The following RBM4B variants were observed in gnomAD, a reference collection of about 807,000 sequenced individuals.
RBM4B encodes RNA-binding protein 4B.
A neutral mutation model predicts 28.5 loss-of-function variants in RBM4B; 13 were observed. The observed-to-expected ratio is 0.46, with a 90% CI of 0.30 to 0.72. The LOEUF (loss-of-function observed/expected upper bound fraction) is 0.72. RBM4B is among the 30% of genes least tolerant of loss of function. RBM4B has a pLI of 0.09. For synonymous variants in RBM4B, 167 were observed against 179.1 expected (o/e 0.93, Z 0.54); for missense variants, 387 against 477.6 (o/e 0.81, Z 1.77).
chr11:66,665,318 A>G lies in RBM4B; in HGVS notation c.*270T>C. ...ATAAGAGGGGTTCCACTGCACAGGAAAAAGGGGATGCCAGCATAATCCTTA... is the reference window on the plus strand; with the variant it reads ...ATAAGAGGGGTTCCACTGCACAGGAGAAAGGGGATGCCAGCATAATCCTTA... On this transcript the variant is annotated 3_prime_UTR_variant, in exon 4 of 4. Transcript: ENST00000310046. 1 of 525,342 alleles carries G rather than the reference A, an allele frequency of 1.9e-6. No homozygotes were observed. 32.5% of individuals were successfully genotyped at this position (525,342 alleles called of 1,614,324 possible).
Position 66,671,864 on chromosome 11 carries a change from C to T in RBM4B, c.413-2573G>A, listed in dbSNP as rs1175253436. Among the ~76,000 whole-genome samples, 7 of 152,076 alleles carry T rather than the reference C, an allele frequency of 4.6e-5. No individual in the cohort carries two copies. The East Asian group carries it at 1.4e-3, about 29-fold the overall frequency. On this transcript the variant is annotated intron_variant, in intron 2 of 3. Transcript: ENST00000310046. ...CAAGCAATTCCCTGCCTCAGCCTCC[C>T]GAGTAGCTGAGATTACAGGCACCTG... is the stretch of plus-strand genomic sequence containing the variant.
At position 66,668,949 on chromosome 11, in the gene RBM4B, G is replaced by A; in HGVS notation, c.755C>T (p.Pro252Leu). The change falls in exon 3 of 4, where the codon CCT (proline) becomes CTT (leucine). Residue 252 changes from proline to leucine, a missense_variant. By Grantham distance (98) the Pro-to-Leu change is moderately conservative. This residue lies in a region of RBM4B where 226 missense variants were observed against 220.6 expected (regional missense o/e 1.02). Coordinates refer to ENST00000310046, the MANE Select transcript of RBM4B (RefSeq NM_031492.4). ...GGTCACAGTTGTGCTTTGGACTTGA[G>A]GCAGATGGGACATGGTCTGCTCTGC... ...NYAEQTMSHL[P>L]QVQSTTVTSH... 1 of 1,614,180 alleles carries A rather than the reference G, an allele frequency of 6.2e-7. No homozygotes were observed. Among genetic ancestry groups the A allele is most frequent in the Middle Eastern group, 1.6e-4 (1 of 6,062 alleles).
At chr11:66,674,859 C>T (rs1212014713) in intron 2 of RBM4B, among the ~76,000 whole-genome samples, 2 of 152,050 alleles carry the variant, frequency 1.3e-5, no homozygotes, top group African/African-American at 2.4e-5. Context: ...TGTGAGGCAC[C>T]GCACCCTGCC....
At chr11:66,671,721 G>T (rs118025370) in intron 2 of RBM4B, among the ~76,000 whole-genome samples, 1,947 of 152,176 alleles carry the variant, frequency 0.013, 25 homozygotes, top group Non-Finnish European at 0.018. Context: ...TGAAAAGGAT[G>T]CAGGTATCAA....
intron 3 of RBM4B, chr11:66,667,407 T>C (rs777659771): frequency 6.6e-6 from 1 of 152,200 alleles, no homozygotes; most frequent in African/African-American, 2.4e-5. Context: ...ACTCCTTAAA[T>C]GTTCCTCTCT....
In RBM4B at chr11:66,676,462, C is replaced by T. The variant is rs1191224565; in HGVS notation, c.412+206G>A. The T allele has an allele frequency of 2.5e-5, 16 of 634,864 alleles. No individual in the cohort carries two copies. In the Admixed American group the frequency reaches 4.5e-4, roughly 18 times the overall value. The allele number at this position is 634,864 out of a possible 1,614,324, so 39.3% of individuals were successfully genotyped here. On this transcript the variant is annotated intron_variant, in intron 2 of 3. Coordinates refer to ENST00000310046, the MANE Select transcript of RBM4B (RefSeq NM_031492.4). ...CCCACAGTTTGTGATTCTATGCAGTCGGTGAGCAACATCTTAGCAAACCTG... is the reference window on the plus strand; with the variant it reads ...CCCACAGTTTGTGATTCTATGCAGTTGGTGAGCAACATCTTAGCAAACCTG...
At position 66,668,795 on chromosome 11, in the gene RBM4B, C is replaced by G. The variant is rs755138649; in HGVS notation, c.909G>C (p.Arg303Ser). The change falls in exon 3 of 4, where the codon AGG (arginine) becomes AGC (serine). Residue 303 changes from arginine (R) to serine (S), a missense_variant. Physicochemically the swap from Arg to Ser is moderately radical, Grantham distance 110. Around this residue, in one of 2 missense-constraint regions of RBM4B, gnomAD observed 226 missense variants for 220.6 expected, o/e 1.02. Transcript: ENST00000310046. ...TGGCTGCAGCACGACGCAGTGGGCT[C>G]CTGTCCCTTCCATAGTAGGAGGAAG... is the stretch of plus-strand genomic sequence containing the variant. ...ATTSSYYGRD[R>S]SPLRRAAAML... 1.2e-6 allele frequency: 2 copies of G among 1,614,206 alleles called. No individual in the cohort carries two copies. The highest frequency in any genetic ancestry group is 1.7e-6 in the Non-Finnish European group (2 of 1,180,036).
At chr11:66,665,786 T>C (rs1939209038) in intron 3 of RBM4B, 4 of 1,388,832 alleles carry the variant, frequency 2.9e-6, no homozygotes, top group Non-Finnish European at 3.9e-6. Context: ...TGGCTATATA[T>C]ATAGGACAAG....
intron 2 of RBM4B, among the ~76,000 whole-genome samples, chr11:66,675,019 A>C (rs1368897764): frequency 6.6e-6 from 1 of 152,246 alleles, no homozygotes; most frequent in African/African-American, 2.4e-5. Context: ...GTCCATCATG[A>C]TGATTTCCCC....
intron 2 of RBM4B, among the ~76,000 whole-genome samples, 161 bp from the exon 3 acceptor site, chr11:66,669,452 G>T (rs1311818279): frequency 8.9e-5 from 13 of 145,868 alleles, no homozygotes; most frequent in South Asian, 2.2e-4. Flanking sequence ...AAGTTTTTTT[G>T]TTTTTTTTTT....
intron 2 of RBM4B, among the ~76,000 whole-genome samples, chr11:66,672,505 T>TGGG (rs544414659): frequency 2.2e-5 from 3 of 135,874 alleles, no homozygotes; most frequent in South Asian, 2.4e-4. Context: ...TTAATTTTTT[T>TGGG]GGGGGGGGGG....
chr11:66,668,939 T>G lies in RBM4B; in HGVS notation c.765A>C (p.Gln255His). 6.2e-7 allele frequency: 1 copy of G among 1,614,132 alleles called. No individual in the cohort carries two copies. Among genetic ancestry groups the G allele is most frequent in the Non-Finnish European group, 8.5e-7 (1 of 1,180,024 alleles). ...EQTMSHLPQVQSTTVTSHLNS... is the reference protein window; with the variant it reads ...EQTMSHLPQVHSTTVTSHLNS... ...TGAGGTGGCTGGTCACAGTTGTGCT[T>G]TGGACTTGAGGCAGATGGGACATGG... Residue 255 changes from glutamine to histidine, a missense_variant, in exon 3 of 4, where the codon CAA becomes CAC. Physicochemically the swap from Gln to His is conservative, Grantham distance 24. Around this residue, in one of 2 missense-constraint regions of RBM4B, gnomAD observed 226 missense variants for 220.6 expected, o/e 1.02. Transcript: ENST00000310046.
At chr11:66,671,078 T>G (rs976267000) in intron 2 of RBM4B, 30 of 698,316 alleles carry the variant, frequency 4.3e-5, no homozygotes, top group Non-Finnish European at 7.1e-5. Flanking sequence ...ATCACTTTAG[T>G]CAAATTCCTT....
chr11:66,665,931 T>G, intron 3 of RBM4B: 1 of 1,535,364 alleles, frequency 6.5e-7, no homozygotes, highest in Non-Finnish European at 8.7e-7. Flanking sequence ...AACTGCAATT[T>G]AATTTTGGAG....
chr11:66,669,314 GATTT>G (rs770741804), intron 2 of RBM4B, 23 bp from the exon 3 acceptor site: 5 of 1,597,490 alleles, frequency 3.1e-6, no homozygotes, highest in East Asian at 2.2e-5. Flanking sequence ...GATGTAAGAA[GATTT>G]ATTTTAACTC....
intron 3 of RBM4B, chr11:66,667,135 T>A (rs1380276238): frequency 6.6e-6 from 1 of 152,200 alleles, no homozygotes; most frequent in Non-Finnish European, 1.5e-5. Flanking sequence ...GTAACTCACT[T>A]TAACCTTGCT....
chr11:66,665,788 T>G (rs1479771318), intron 3 of RBM4B: 1 of 1,390,544 alleles, frequency 7.2e-7, no homozygotes, highest in Non-Finnish European at 9.7e-7. Flanking sequence ...GCTATATATA[T>G]AGGACAAGAT....
At position 66,666,057 on chromosome 11, in the gene RBM4B, G is replaced by A. The variant is rs117591434; in HGVS notation, c.*10-479C>T. The A allele has an allele frequency of 3.1e-3, 3,517 of 1,149,922 alleles. 14 individuals are homozygous for A. The highest frequency in any genetic ancestry group is 3.9e-3 in the Non-Finnish European group (3,208 of 827,250). The allele number at this position is 1,149,922 out of a possible 1,614,324, so 71.2% of individuals were successfully genotyped here. On this transcript the variant is annotated intron_variant, in intron 3 of 3. Coordinates refer to ENST00000310046, the MANE Select transcript of RBM4B (RefSeq NM_031492.4). Reference sequence around the variant, plus strand: ...CTTTCAGAAATGATGGTCACAAGGGGTAGGATATCAAGGAGCAGCCAGTCA... The same window carrying A: ...CTTTCAGAAATGATGGTCACAAGGGATAGGATATCAAGGAGCAGCCAGTCA...
chr11:66,670,374 T>C (rs1382018690), intron 2 of RBM4B, among the ~76,000 whole-genome samples: 1 of 152,178 alleles, frequency 6.6e-6, no homozygotes, highest in Non-Finnish European at 1.5e-5. Flanking sequence ...TCCTGCCATG[T>C]AACTTACAAT....
Sources: gnomAD v4.1 joint callset for allele counts (sites outside exome capture counted in the v4.1 genomes callset) on GRCh38, gnomAD v4.1.1 for gene constraint, gnomAD v4.1.1 regional missense constraint, MANE v1.5 for transcripts, NCBI Gene and HGNC (gene_info 2026-07-23, HGNC 2026-07-21) for gene names.